GLIS3: variants seen among roughly 807,000 people sequenced by gnomAD.
GLIS3 encodes the protein zinc finger protein GLIS3.
Under a neutral mutation model 78.6 loss-of-function variants are expected in GLIS3, and 53 were observed. That is an observed-to-expected ratio of 0.67 (90% confidence interval 0.54 to 0.85). The LOEUF is 0.85. Ranked by LOEUF, GLIS3 falls within the 40% of genes least tolerant of loss-of-function variation. The pLI, the probability that GLIS3 is intolerant of heterozygous loss-of-function variation, is 0.00. For missense variants in GLIS3, 1,703 were observed against 1,231.1 expected, an observed-to-expected ratio of 1.38 and a Z score of -5.74; for synonymous variants, 684 against 509.9, an observed-to-expected ratio of 1.34 and a Z score of -4.60.
chr9:3,932,354 A>G lies in GLIS3; in HGVS notation c.1983+6T>C. The G allele has an allele frequency of 6.2e-7, 1 of 1,603,488 alleles. No homozygotes were observed. The highest frequency in any genetic ancestry group is 8.5e-7 in the Non-Finnish European group (1 of 1,170,412). On this transcript the variant is annotated splice_donor_region_variant and intron_variant, in intron 6 of 10. Transcript: ENST00000381971. ...TCCCGACTGGAAGATTCTCTTTTAA[A>G]ATTACCTTTTTCCTTGCTTGTTGCT...
intron 2 of GLIS3, among the ~76,000 whole-genome samples, chr9:4,252,049 A>G (rs1009317435): frequency 6.6e-6 from 1 of 151,856 alleles, no homozygotes; most frequent in African/African-American, 2.4e-5. Flanking sequence ...TTTTTCCTTC[A>G]TTTCAACCTT....
chr9:3,886,069 G>C (rs1822052807), intron 7 of GLIS3, among the ~76,000 whole-genome samples: 2 of 152,150 alleles, frequency 1.3e-5, no homozygotes, highest in Non-Finnish European at 2.9e-5. Flanking sequence ...GCTATTATTT[G>C]GCTACTTATA....
chr9:4,092,263 T>G (rs1316618975), intron 4 of GLIS3, among the ~76,000 whole-genome samples: 2 of 151,812 alleles, frequency 1.3e-5, no homozygotes, highest in African/African-American at 2.4e-5. Context: ...ACCATTCTCC[T>G]GTCTCAGCCT....
At chr9:4,336,793 A>G (rs1587392674) in intron 2 of GLIS3, among the ~76,000 whole-genome samples, 1 of 152,198 alleles carries the variant, frequency 6.6e-6, no homozygotes, top group African/African-American at 2.4e-5. Flanking sequence ...TTTTTATGAT[A>G]GTAGAGAGAT....
At chr9:3,991,936 C>A (rs548684047) in intron 4 of GLIS3, among the ~76,000 whole-genome samples, 20 of 152,168 alleles carry the variant, frequency 1.3e-4, no homozygotes, top group East Asian at 9.7e-4. Flanking sequence ...GTGATCCGCC[C>A]GCCTCGGCCT....
At chr9:4,135,047 A>T (rs1411635122) in intron 2 of GLIS3, among the ~76,000 whole-genome samples, 1 of 152,176 alleles carries the variant, frequency 6.6e-6, no homozygotes, top group Admixed American at 6.6e-5. Context: ...TTCTGGTGGG[A>T]AAGAAATACA....
chr9:4,224,968 A>T (rs1821644752), intron 2 of GLIS3, among the ~76,000 whole-genome samples: 1 of 151,832 alleles, frequency 6.6e-6, no homozygotes, highest in African/African-American at 2.4e-5. Context: ...CAATATTTTT[A>T]AACTATAATA....
chr9:4,184,049 G>T (rs1366126407), intron 2 of GLIS3, among the ~76,000 whole-genome samples: 2 of 151,920 alleles, frequency 1.3e-5, no homozygotes, highest in Non-Finnish European at 2.9e-5. Flanking sequence ...TGATCTTATG[G>T]TTATAAAAGA....
intron 2 of GLIS3, among the ~76,000 whole-genome samples, chr9:4,196,302 A>T (rs1437920517): frequency 6.6e-6 from 1 of 152,172 alleles, no homozygotes; most frequent in African/African-American, 2.4e-5. Context: ...TGGACCAATC[A>T]GCTCTCTGTA....
the GLIS3 span, among the ~76,000 whole-genome samples, chr9:4,362,375 C>G: frequency 6.6e-6 from 1 of 152,160 alleles, no homozygotes; most frequent in African/African-American, 2.4e-5. Context: ...AAAGAAATTG[C>G]TGTATCATTG....
chr9:3,850,576 CA>C lies in GLIS3; in HGVS notation c.2473+5432del, dbSNP rs554041618. ...TACATGTGGCCCAACATAATCCCAA[CA>C]GTTAGAGCTTAATGTTCCTACCTCT... On this transcript the variant is annotated intron_variant, in intron 9 of 10. Transcript: ENST00000381971. 8.5e-5 allele frequency among the ~76,000 whole-genome samples: 13 copies of C among 152,330 alleles called. No homozygotes were observed. The South Asian group carries it at 2.7e-3, about 32-fold the overall frequency.
intron 2 of GLIS3, among the ~76,000 whole-genome samples, chr9:4,162,746 A>G (rs1210772786): frequency 1.3e-5 from 2 of 151,168 alleles, no homozygotes; most frequent in Non-Finnish European, 3.0e-5. Context: ...AATCCCAGCT[A>G]GTCAGGAGGC....
chr9:3,875,527 T>C (rs1821254629), intron 8 of GLIS3: 1 of 152,184 alleles, frequency 6.6e-6, no homozygotes, highest in African/African-American at 2.4e-5. Flanking sequence ...CAGAGTGTGA[T>C]AAACCTATTT....
intron 4 of GLIS3, among the ~76,000 whole-genome samples, chr9:4,059,829 T>TGTGTGAGAGAGAGAGA: frequency 1.2e-3 from 119 of 100,702 alleles, no homozygotes; most frequent in African/African-American, 3.8e-3. Context: ...TGTGTGTGTG[T>TGTGTGAGAGAGAGAGA]GAGAGAGAGA....
chr9:4,290,442 G>A (rs961749840), intron 1 of GLIS3, among the ~76,000 whole-genome samples: 1 of 151,740 alleles, frequency 6.6e-6, no homozygotes, highest in African/African-American at 2.4e-5. Context: ...CATTAATGCC[G>A]CCTTTTCAAC....
At chr9:3,932,552 T>G in intron 5 of GLIS3, 82 bp from the exon 6 acceptor site, 3 of 998,200 alleles carry the variant, frequency 3.0e-6, no homozygotes, top group East Asian at 2.4e-5. Flanking sequence ...GACTATTGAC[T>G]TCAGAGCATG....
chr9:4,335,077 T>G (rs1011126813), intron 2 of GLIS3, among the ~76,000 whole-genome samples: 1 of 151,854 alleles, frequency 6.6e-6, no homozygotes, highest in Non-Finnish European at 1.5e-5. Context: ...CCTGGCTAAT[T>G]TTTTGTGTTT....
At chr9:4,402,758 C>G in the GLIS3 span, among the ~76,000 whole-genome samples, 1 of 151,926 alleles carries the variant, frequency 6.6e-6, no homozygotes, top group Non-Finnish European at 1.5e-5. Context: ...TGAAGACAGG[C>G]TATTTGAAAA....
intron 2 of GLIS3, among the ~76,000 whole-genome samples, chr9:4,223,051 T>G: frequency 6.6e-6 from 1 of 152,298 alleles, no homozygotes; most frequent in Middle Eastern, 3.4e-3. Context: ...AAGATCACTT[T>G]TTGAGTACAG....
Sources: allele counts gnomAD v4.1 joint callset (sites outside exome capture counted in the v4.1 genomes callset), GRCh38; gene constraint gnomAD v4.1.1; transcripts MANE v1.5; gene names NCBI Gene and HGNC (gene_info 2026-07-23, HGNC 2026-07-21).